The following BRINP3 variants were observed in gnomAD, a reference collection of about 807,000 sequenced individuals.
BRINP3 encodes BMP/retinoic acid inducible neural specific 3.
BRINP3 carries 19 observed loss-of-function variants against 71.0 expected under a neutral mutation model. The ratio of observed to expected loss-of-function variants is 0.27; its 90% CI spans 0.19 to 0.39. BRINP3 has a LOEUF of 0.39. Among genes scored for constraint, BRINP3 ranks in the 10% least tolerant of loss-of-function variants. BRINP3 has a pLI of 1.00. For synonymous variants in BRINP3, 380 were observed against 337.7 expected, an observed-to-expected ratio of 1.13 and a Z score of -1.37; for missense variants, 959 against 940.8, an observed-to-expected ratio of 1.02 and a Z score of -0.25.
At chr1:190,383,638 T>C (rs1369365225) in intron 2 of BRINP3, among the ~76,000 whole-genome samples, 3 of 152,046 alleles carry the variant, frequency 2.0e-5, no homozygotes, top group African/African-American at 7.2e-5. Flanking sequence ...AGGAGTCCTA[T>C]TTGCCACTTT....
At chr1:190,236,060 T>C (rs570869380) in intron 4 of BRINP3, among the ~76,000 whole-genome samples, 2 of 152,004 alleles carry the variant, frequency 1.3e-5, no homozygotes, top group East Asian at 1.9e-4. Flanking sequence ...CTTCGTAGTA[T>C]GGAGCAGGAA....
rs561086924 is a variant in BRINP3 at position 190,389,565 on chromosome 1, G to A, written c.236+65090C>T. On this transcript the variant is annotated intron_variant, in intron 2 of 7. Coordinates refer to ENST00000367462, the MANE Select transcript of BRINP3 (RefSeq NM_199051.3). The stretch of plus-strand genomic sequence containing the variant: ...AAACACATTGGACCTAATTTGGCCC[G>A]TAACATTGAAGTGAGTAGCTATATT... Among the ~76,000 whole-genome samples, 12 of 151,856 alleles carry A rather than the reference G, an allele frequency of 7.9e-5. No homozygotes were observed. In the South Asian group the frequency reaches 1.5e-3, roughly 18 times the overall value.
intron 7 of BRINP3, among the ~76,000 whole-genome samples, chr1:190,155,801 T>C (rs1035867410): frequency 6.6e-6 from 1 of 152,046 alleles, no homozygotes; most frequent in Non-Finnish European, 1.5e-5. Context: ...CTCTCTCCTC[T>C]GGGTGCCATG....
intron 2 of BRINP3, among the ~76,000 whole-genome samples, chr1:190,433,011 G>T (rs1296951939): frequency 6.6e-6 from 1 of 151,978 alleles, no homozygotes; most frequent in African/African-American, 2.4e-5. Context: ...AAGAAATAGA[G>T]ACCAAAAAAA....
intron 4 of BRINP3, among the ~76,000 whole-genome samples, chr1:190,250,346 G>T (rs564514281): frequency 6.6e-6 from 1 of 152,070 alleles, no homozygotes; most frequent in Admixed American, 6.6e-5. Context: ...TTAAGACGGA[G>T]AAATAATATA....
chr1:190,197,312 T>C (rs564584735), intron 6 of BRINP3, among the ~76,000 whole-genome samples: 80 of 152,224 alleles, frequency 5.3e-4, no homozygotes, highest in African/African-American at 1.8e-3. Context: ...ACCTGGCCCC[T>C]ACCAAATTTC....
intron 6 of BRINP3, among the ~76,000 whole-genome samples, chr1:190,220,923 C>T (rs900240747): frequency 2.0e-5 from 3 of 152,170 alleles, no homozygotes; most frequent in Non-Finnish European, 2.9e-5. Context: ...CTTGTAACCT[C>T]ATATGAAGCC....
At chr1:190,327,114 G>A (rs1666631172) in intron 2 of BRINP3, among the ~76,000 whole-genome samples, 1 of 151,116 alleles carries the variant, frequency 6.6e-6, no homozygotes. Context: ...TCAGGAGTTT[G>A]AGACCAGCTT....
At chr1:190,220,547 T>C (rs201307644) in intron 6 of BRINP3, among the ~76,000 whole-genome samples, 2 of 151,988 alleles carry the variant, frequency 1.3e-5, no homozygotes, top group Non-Finnish European at 2.9e-5. Flanking sequence ...TAATTTTTTT[T>C]AAAAAAGAAG....
chr1:190,352,943 C>G (rs916216540), intron 2 of BRINP3, among the ~76,000 whole-genome samples: 2 of 150,796 alleles, frequency 1.3e-5, no homozygotes, highest in African/African-American at 4.9e-5. Flanking sequence ...TGTCTGTATA[C>G]TATTTTCTGT....
chr1:190,122,187 CACTT>C (rs1008136714), intron 7 of BRINP3, among the ~76,000 whole-genome samples: 17 of 152,124 alleles, frequency 1.1e-4, no homozygotes, highest in African/African-American at 2.9e-4. Flanking sequence ...TTGTTTAACT[CACTT>C]ACATAGCCTT....
intron 4 of BRINP3, among the ~76,000 whole-genome samples, 174 bp from the exon 5 acceptor site, chr1:190,234,651 T>C (rs988297112): frequency 7.2e-5 from 11 of 152,240 alleles, no homozygotes; most frequent in Non-Finnish European, 1.5e-4. Context: ...AAGCAGTAAG[T>C]CCCTTTGTCT....
intron 4 of BRINP3, among the ~76,000 whole-genome samples, chr1:190,259,931 G>A (rs1485878219): frequency 6.6e-6 from 1 of 151,648 alleles, no homozygotes; most frequent in Non-Finnish European, 1.5e-5. Flanking sequence ...GGGAGGCTGA[G>A]ATAGGAGAAC....
chr1:190,105,645 C>A (rs1440692179), intron 7 of BRINP3, among the ~76,000 whole-genome samples: 1 of 152,072 alleles, frequency 6.6e-6, no homozygotes, highest in Non-Finnish European at 1.5e-5. Flanking sequence ...GTCTCTATTT[C>A]TCCAGAATCA....
chr1:190,407,128 T>C (rs1398825340), intron 2 of BRINP3, among the ~76,000 whole-genome samples: 1 of 152,170 alleles, frequency 6.6e-6, no homozygotes, highest in Non-Finnish European at 1.5e-5. Context: ...ATCAGGAGAC[T>C]CTTACAGATC....
At chr1:190,136,817 A>C (rs1480585645) in intron 7 of BRINP3, among the ~76,000 whole-genome samples, 2 of 152,096 alleles carry the variant, frequency 1.3e-5, no homozygotes. Flanking sequence ...TGAGAAGTGC[A>C]TATGGGATAA....
intron 5 of BRINP3, among the ~76,000 whole-genome samples, chr1:190,226,988 C>T (rs912833301): frequency 2.3e-4 from 35 of 152,010 alleles, no homozygotes; most frequent in Non-Finnish European, 3.8e-4. Context: ...GTTGCTATCT[C>T]TTAAAAAACT....
chr1:190,435,121 G>T (rs934833422), intron 2 of BRINP3, among the ~76,000 whole-genome samples: 4 of 152,114 alleles, frequency 2.6e-5, no homozygotes, highest in Non-Finnish European at 5.9e-5. Context: ...CAATGAAATT[G>T]TTCCTACTAT....
intron 2 of BRINP3, among the ~76,000 whole-genome samples, chr1:190,353,950 G>A (rs922642392): frequency 3.3e-5 from 5 of 151,848 alleles, no homozygotes; most frequent in Admixed American, 6.6e-5. Flanking sequence ...AAATCTGATC[G>A]TATACTTTCT....
Sources: gnomAD v4.1 joint callset for allele counts (sites outside exome capture counted in the v4.1 genomes callset) on GRCh38, gnomAD v4.1.1 for gene constraint, MANE v1.5 for transcripts, NCBI Gene and HGNC (gene_info 2026-07-23, HGNC 2026-07-21) for gene names.